The following EPRS1 variants were observed in gnomAD, a reference collection of about 807,000 sequenced individuals.
The protein encoded by EPRS1 is glutamyl-prolyl-tRNA synthetase 1, also known as bifunctional glutamate/proline--tRNA ligase.
In EPRS1, 107 loss-of-function variants were observed where a neutral mutation model predicts 188.3. The ratio of observed to expected loss-of-function variants is 0.57; its 90% CI spans 0.49 to 0.67. The LOEUF is 0.67. Ranked by LOEUF, EPRS1 falls within the 30% of genes least tolerant of loss-of-function variation. The probability of loss-of-function intolerance (pLI) is 0.00; values close to 1 mark genes in which losing one functional copy is unlikely to be tolerated. For synonymous variants in EPRS1, 596 were observed against 593.1 expected (o/e 1.00, Z -0.07); for missense variants, 1,577 against 1,802.2 (o/e 0.88, Z 2.26).
intron 29 of EPRS1, among the ~76,000 whole-genome samples, chr1:219,972,752 T>C (rs1432794605): frequency 1.3e-5 from 2 of 152,228 alleles, no homozygotes; most frequent in Non-Finnish European, 2.9e-5. Flanking sequence ...CCCTAAGGCC[T>C]TCCTCTATCC....
chr1:220,009,922 C>T (rs1442290111), intron 13 of EPRS1, among the ~76,000 whole-genome samples: 1 of 151,746 alleles, frequency 6.6e-6, no homozygotes, highest in African/African-American at 2.4e-5. Flanking sequence ...CATGGCAAAA[C>T]CCCATCTCTA....
Position 220,007,302 on chromosome 1 carries a change from G to C in EPRS1, c.1642C>G (p.Pro548Ala). 4 of 1,613,866 alleles carry C rather than the reference G, an allele frequency of 2.5e-6. No individual in the cohort carries two copies. Among genetic ancestry groups the C allele is most frequent in the Non-Finnish European group, 3.4e-6 (4 of 1,179,856 alleles). ...TCAGCACCTTCAATGAAAACTTTGG[G>C]ACTATACCACACAGGCTTCAAGCCA... is the stretch of plus-strand genomic sequence containing the variant. ...EVGLKPVWYS[P>A]KVFIEGADAE... The change falls in exon 14 of 32, where the codon CCC (proline) becomes GCC (alanine). Residue 548 changes from proline (P) to alanine (A), a missense_variant. Transcript: ENST00000366923.
chr1:219,968,920 T>C lies in EPRS1; in HGVS notation c.4425A>G (p.Gly1475=). ...QDLEPGAPSM[G]AKSLCIPFKP... ...TGAAGGGGATGCAAAGGCTTTTAGC[T>C]CCCATGGATGGAGCACCAGGTTCAA... The change falls in exon 32 of 32, where the codon GGA becomes GGG. Residue 1475 remains glycine (G), a synonymous_variant. Transcript: ENST00000366923. 1 of 1,614,096 alleles carries C rather than the reference T, an allele frequency of 6.2e-7. No individual in the cohort carries two copies. Among genetic ancestry groups the C allele is most frequent in the Non-Finnish European group, 8.5e-7 (1 of 1,179,958 alleles).
intron 1 of EPRS1, among the ~76,000 whole-genome samples, chr1:220,040,757 G>A (rs572735508): frequency 6.6e-6 from 1 of 152,110 alleles, no homozygotes; most frequent in African/African-American, 2.4e-5. Flanking sequence ...GGCTGAGGCA[G>A]GAGAATCGCT....
At chr1:219,999,150 T>C (rs1661295889) in intron 17 of EPRS1, among the ~76,000 whole-genome samples, 1 of 151,998 alleles carries the variant, frequency 6.6e-6, no homozygotes, top group Admixed American at 6.6e-5. Flanking sequence ...AAGCCCTGGA[T>C]GAGAATTTAA....
intron 12 of EPRS1, among the ~76,000 whole-genome samples, chr1:220,012,383 C>T (rs1358365601): frequency 1.3e-5 from 2 of 152,152 alleles, no homozygotes; most frequent in African/African-American, 2.4e-5. Flanking sequence ...CTAGACAACC[C>T]CGCCTAAGAA....
At chr1:219,998,767 TC>T (rs2102575260) in intron 17 of EPRS1, among the ~76,000 whole-genome samples, 1 of 152,114 alleles carries the variant, frequency 6.6e-6, no homozygotes, top group Non-Finnish European at 1.5e-5. Flanking sequence ...GGTCTCAATC[TC>T]CTGGCCTCGT....
rs549046794 is a variant in EPRS1 at position 219,971,318 on chromosome 1, C to T, written c.4323+751G>A. Among the ~76,000 whole-genome samples, 19 of 152,120 alleles carry T rather than the reference C, an allele frequency of 1.2e-4. No homozygotes were observed. The South Asian group carries it at 3.1e-3, about 25-fold the overall frequency. On this transcript the variant is annotated intron_variant, in intron 30 of 31. Coordinates refer to ENST00000366923, the MANE Select transcript of EPRS1 (RefSeq NM_004446.3). Reference sequence around the variant, plus strand: ...TTTATGAAACTTTAAAGTTTCAGCTCGAAACAACTGCATATACCCAATATA... The same window carrying T: ...TTTATGAAACTTTAAAGTTTCAGCTTGAAACAACTGCATATACCCAATATA...
Position 220,006,189 on chromosome 1 carries a change from A to G in EPRS1, c.1867T>C (p.Cys623Arg). 2 of 1,605,876 alleles carry G rather than the reference A, an allele frequency of 1.2e-6. No homozygotes were observed. Among genetic ancestry groups the G allele is most frequent in the South Asian group, 2.2e-5 (2 of 90,290 alleles). ...GTGATCAAGTGCTCATAAGTGACAC[A>G]GATTACTGGAATAGGAAGAGCATGT... ...TTHALPIPVI[C>R]VTYEHLITKP... Residue 623 changes from cysteine (C) to arginine (R), a missense_variant, in exon 15 of 32, where the codon TGT becomes CGT. This residue lies in a region of EPRS1 where 1,278 missense variants were observed against 1,457.4 expected (regional missense o/e 0.88). Coordinates refer to ENST00000366923, the MANE Select transcript of EPRS1 (RefSeq NM_004446.3).
intron 12 of EPRS1, among the ~76,000 whole-genome samples, chr1:220,013,105 T>A (rs1661639449): frequency 6.6e-6 from 1 of 152,146 alleles, no homozygotes; most frequent in East Asian, 1.9e-4. Context: ...TGACAACAGC[T>A]CTAAAATGAA....
rs150077933 is a variant in EPRS1 at position 220,038,538 on chromosome 1, G to A, written c.131+1647C>T. Among the ~76,000 whole-genome samples, 166 of 151,008 alleles carry A rather than the reference G, an allele frequency of 1.1e-3. 3 individuals are homozygous for A. The East Asian group carries it at 0.023, about 21-fold the overall frequency. On this transcript the variant is annotated intron_variant, in intron 2 of 31. Transcript: ENST00000366923. ...TCCCAAGTAGCTGGGAGTACACCCAGCTAATTTTTCCTCTTTTTTTTGTAG... is the reference window on the plus strand; with the variant it reads ...TCCCAAGTAGCTGGGAGTACACCCAACTAATTTTTCCTCTTTTTTTTGTAG...
chr1:219,989,682 C>T (rs765691699), intron 18 of EPRS1, among the ~76,000 whole-genome samples: 5 of 152,188 alleles, frequency 3.3e-5, no homozygotes, highest in South Asian at 2.1e-4. Context: ...GGTATACCTT[C>T]ACAAAATTTG....
intron 6 of EPRS1, among the ~76,000 whole-genome samples, chr1:220,029,132 G>A (rs1157345628): frequency 2.0e-5 from 3 of 152,130 alleles, no homozygotes; most frequent in Non-Finnish European, 4.4e-5. Context: ...GCTTTTAGAC[G>A]ATCAAGGTCA....
At chr1:219,988,461 G>A in intron 19 of EPRS1, 129 bp downstream of exon 19, 1 of 636,202 alleles carries the variant, frequency 1.6e-6, no homozygotes, top group Non-Finnish European at 2.8e-6. Flanking sequence ...TAAAAGGCAA[G>A]GTAAGAGAAT....
chr1:219,984,145 G>A lies in EPRS1; in HGVS notation c.3090+61C>T. 12 of 1,171,770 alleles carry A rather than the reference G, an allele frequency of 1.0e-5. No individual in the cohort carries two copies. In the South Asian group the frequency reaches 1.2e-4, roughly 12 times the overall value. The allele number at this position is 1,171,770 out of a possible 1,614,324, so 72.6% of individuals were successfully genotyped here. A position where few individuals can be genotyped will look rare whatever the true frequency, so the allele number is the denominator to read the frequency against. ...CCTTTGTGCCCATATTTTAGAATCT[G>A]AACATAAAAAGCAGCCATTGACAGA... is the stretch of plus-strand genomic sequence containing the variant. On this transcript the variant is annotated intron_variant, in intron 21 of 31. Coordinates refer to ENST00000366923, the MANE Select transcript of EPRS1 (RefSeq NM_004446.3).
At chr1:220,035,232 C>G (rs573413384) in intron 2 of EPRS1, among the ~76,000 whole-genome samples, 1 of 152,258 alleles carries the variant, frequency 6.6e-6, no homozygotes, top group African/African-American at 2.4e-5. Flanking sequence ...TTCACTGCAA[C>G]CTCTGCCTCC....
At chr1:219,989,122 A>G (rs1661070370) in intron 18 of EPRS1, among the ~76,000 whole-genome samples, 1 of 152,206 alleles carries the variant, frequency 6.6e-6, no homozygotes, top group African/African-American at 2.4e-5. Context: ...ACCTAGGTCT[A>G]TAAATAGTGA....
chr1:220,025,801 T>TG (rs1393786852), intron 6 of EPRS1, among the ~76,000 whole-genome samples: 1 of 151,944 alleles, frequency 6.6e-6, no homozygotes, highest in African/African-American at 2.4e-5. Context: ...AAAAGTTTTT[T>TG]TTTTTTTTTT....
intron 30 of EPRS1, among the ~76,000 whole-genome samples, chr1:219,970,266 A>C (rs1459758993): frequency 6.6e-6 from 1 of 152,248 alleles, no homozygotes; most frequent in Non-Finnish European, 1.5e-5. Context: ...CAAAGTTGTG[A>C]ATAATCTCCA....
Sources: gnomAD v4.1 joint callset for allele counts (sites outside exome capture counted in the v4.1 genomes callset) on GRCh38, gnomAD v4.1.1 for gene constraint, gnomAD v4.1.1 regional missense constraint, MANE v1.5 for transcripts, NCBI Gene and HGNC (gene_info 2026-07-23, HGNC 2026-07-21) for gene names.